Variants in NKAIN2 observed in about 807,000 individuals in gnomAD.
NKAIN2 encodes the protein sodium/potassium-transporting ATPase subunit beta-1-interacting protein 2.
Under a neutral mutation model 32.6 loss-of-function variants are expected in NKAIN2, and 14 were observed. The observed-to-expected ratio is 0.43, with a 90% CI of 0.28 to 0.67. NKAIN2 has a LOEUF of 0.67. Ranked by LOEUF, NKAIN2 falls within the 30% of genes least tolerant of loss-of-function variation. NKAIN2 has a pLI of 0.17. For synonymous variants in NKAIN2, 80 were observed against 87.2 expected (o/e 0.92, Z 0.46); for missense variants, 198 against 258.3 (o/e 0.77, Z 1.60).
chr6:124,343,347 G>A (rs1397186479), intron 2 of NKAIN2, among the ~76,000 whole-genome samples: 1 of 151,334 alleles, frequency 6.6e-6, no homozygotes, highest in Non-Finnish European at 1.5e-5. Flanking sequence ...TATATACCCA[G>A]TAATGGGATG....
At chr6:123,878,317 A>G (rs1773272191) in intron 1 of NKAIN2, among the ~76,000 whole-genome samples, 1 of 152,150 alleles carries the variant, frequency 6.6e-6, no homozygotes, top group Non-Finnish European at 1.5e-5. Flanking sequence ...AATAACTTTC[A>G]TATGTACACT....
chr6:124,395,183 G>A (rs1384498594), intron 3 of NKAIN2, among the ~76,000 whole-genome samples: 1 of 151,926 alleles, frequency 6.6e-6, no homozygotes, highest in Non-Finnish European at 1.5e-5. Flanking sequence ...AAATTTGAAG[G>A]TACCCCCTTT....
chr6:124,056,095 A>G (rs975089090), intron 1 of NKAIN2, among the ~76,000 whole-genome samples: 8 of 152,046 alleles, frequency 5.3e-5, no homozygotes, highest in African/African-American at 1.7e-4. Context: ...ACCAGGACAA[A>G]TCCTATGCCT....
intron 1 of NKAIN2, among the ~76,000 whole-genome samples, chr6:124,173,792 A>G (rs1362264653): frequency 6.6e-6 from 1 of 152,014 alleles, no homozygotes; most frequent in South Asian, 2.1e-4. Context: ...GGTTTGTGCA[A>G]TAGAGTAGAG....
intron 1 of NKAIN2, among the ~76,000 whole-genome samples, chr6:124,224,623 C>G (rs975196940): frequency 6.6e-6 from 1 of 152,072 alleles, no homozygotes; most frequent in Non-Finnish European, 1.5e-5. Flanking sequence ...AAGAGAGATG[C>G]CTCCCTTTTA....
intron 1 of NKAIN2, among the ~76,000 whole-genome samples, chr6:124,198,304 G>A (rs1370596223): frequency 6.6e-6 from 1 of 151,786 alleles, no homozygotes; most frequent in Non-Finnish European, 1.5e-5. Context: ...CAGTTGTTTA[G>A]TACTTCATGC....
At chr6:124,504,351 C>G (rs1010473716) in intron 3 of NKAIN2, among the ~76,000 whole-genome samples, 2 of 152,102 alleles carry the variant, frequency 1.3e-5, no homozygotes, top group Non-Finnish European at 2.9e-5. Context: ...TTCCTTTGTT[C>G]TTCTTTTCCA....
intron 3 of NKAIN2, among the ~76,000 whole-genome samples, chr6:124,409,937 G>C (rs537961471): frequency 6.6e-6 from 1 of 151,992 alleles, no homozygotes; most frequent in African/African-American, 2.4e-5. Flanking sequence ...TGTATGTGTC[G>C]AGGAATTTAT....
At chr6:124,391,006 GA>G (rs1305073505) in intron 3 of NKAIN2, 2 of 152,026 alleles carry the variant, frequency 1.3e-5, no homozygotes, top group Non-Finnish European at 2.9e-5. Context: ...TTTTTTATGG[GA>G]AAGTTCTTTG....
intron 1 of NKAIN2, among the ~76,000 whole-genome samples, chr6:124,096,719 G>A (rs1366318904): frequency 2.0e-5 from 3 of 151,786 alleles, no homozygotes; most frequent in East Asian, 2.0e-4. Context: ...TTAGCCGGGC[G>A]TGGTGGCGGA....
chr6:124,281,908 A>G (rs1795314634), intron 1 of NKAIN2, among the ~76,000 whole-genome samples: 1 of 152,220 alleles, frequency 6.6e-6, no homozygotes, highest in South Asian at 2.1e-4. Context: ...GGATTTTAAA[A>G]TCATCATTTT....
chr6:124,746,721 C>G (rs987662421), intron 4 of NKAIN2, among the ~76,000 whole-genome samples: 1 of 151,850 alleles, frequency 6.6e-6, no homozygotes, highest in Admixed American at 6.6e-5. Context: ...GCATTTAGTA[C>G]TTCCATGATC....
At chr6:124,807,197 C>G (rs1393242108) in intron 5 of NKAIN2, among the ~76,000 whole-genome samples, 1 of 152,154 alleles carries the variant, frequency 6.6e-6, no homozygotes, top group Admixed American at 6.5e-5. Context: ...TTTTTTTCAG[C>G]ACTACACCAC....
At chr6:124,816,274 G>T (rs1354309334) in intron 5 of NKAIN2, among the ~76,000 whole-genome samples, 1 of 152,166 alleles carries the variant, frequency 6.6e-6, no homozygotes, top group Non-Finnish European at 1.5e-5. Context: ...ATTGCCGGGG[G>T]TTGGGGGAGG....
At chr6:124,632,588 T>G (rs1043705023) in intron 3 of NKAIN2, among the ~76,000 whole-genome samples, 1 of 152,220 alleles carries the variant, frequency 6.6e-6, no homozygotes, top group Non-Finnish European at 1.5e-5. Flanking sequence ...GTACTTTTCT[T>G]TGTTTCTTAA....
At chr6:124,142,304 C>G (rs1037778739) in intron 1 of NKAIN2, among the ~76,000 whole-genome samples, 2 of 152,154 alleles carry the variant, frequency 1.3e-5, no homozygotes, top group Non-Finnish European at 2.9e-5. Flanking sequence ...TTCCTTTCGA[C>G]TCCACATTTT....
At chr6:124,096,130 C>T (rs1194683996) in intron 1 of NKAIN2, among the ~76,000 whole-genome samples, 2 of 152,138 alleles carry the variant, frequency 1.3e-5, no homozygotes, top group Non-Finnish European at 2.9e-5. Flanking sequence ...ACTTGCTGCT[C>T]TGTTTGATTG....
chr6:124,808,521 AAT>A (rs1780709655), intron 5 of NKAIN2, among the ~76,000 whole-genome samples: 1 of 152,216 alleles, frequency 6.6e-6, no homozygotes, highest in Non-Finnish European at 1.5e-5. Context: ...ACCCACAGCC[AAT>A]ATCATACTGA....
rs577631828 is a variant in NKAIN2, at chr6:123,939,640, CA to C, written c.54+135395del. Reference sequence around the variant, plus strand: ...ATTTTTTACTATTACTTACTGAAAACAAAAAAAAAGTTGTGATTGACAAAAC... The same window carrying C: ...ATTTTTTACTATTACTTACTGAAAACAAAAAAAAGTTGTGATTGACAAAAC... On this transcript the variant is annotated intron_variant, in intron 1 of 6. Transcript: ENST00000368417. Among the ~76,000 whole-genome samples, 55 of 150,442 alleles carry C rather than the reference CA, an allele frequency of 3.7e-4. 1 individual carries two copies. In the East Asian group the frequency reaches 5.5e-3, roughly 15 times the overall value.
Sources: allele counts gnomAD v4.1 joint callset (sites outside exome capture counted in the v4.1 genomes callset), GRCh38; gene constraint gnomAD v4.1.1; transcripts MANE v1.5; gene names NCBI Gene and HGNC (gene_info 2026-07-23, HGNC 2026-07-21).